ETV4: variants seen among roughly 807,000 people sequenced by gnomAD.
ETV4 encodes ETS translocation variant 4.
ETV4 carries 42 observed loss-of-function variants against 65.9 expected under a neutral mutation model. The ratio of observed to expected loss-of-function variants is 0.64; its 90% CI spans 0.50 to 0.82. ETV4 has a LOEUF of 0.82. Ranked by LOEUF, ETV4 falls within the 40% of genes least tolerant of loss-of-function variation. ETV4 has a pLI of 0.00. For synonymous variants in ETV4, 238 were observed against 260.0 expected (o/e 0.92, Z 0.81); for missense variants, 583 against 630.3 (o/e 0.92, Z 0.80).
intron 5 of ETV4, chr17:43,536,198 C>T (rs1188508524): frequency 1.8e-6 from 1 of 562,158 alleles, no homozygotes; most frequent in Non-Finnish European, 3.2e-6. Flanking sequence ...AGATATAAGG[C>T]AATGGAGAAC....
intron 4 of ETV4, among the ~76,000 whole-genome samples, chr17:43,541,551 G>C (rs1971523770): frequency 6.6e-6 from 1 of 152,134 alleles, no homozygotes; most frequent in Non-Finnish European, 1.5e-5. Flanking sequence ...TAAAAAAAGA[G>C]GAGGGGCTTG....
chr17:43,533,265 C>T lies in ETV4; in HGVS notation c.467G>A (p.Arg156Gln), dbSNP rs751936103. ...TCTCAGGAAATTCCGTTGCTCTGCC[C>T]GGGGAAAGGGCTGTAGGGGCGACTG... Reference protein sequence around the residue: ...LGQSPLQPFPRAEQRNFLRSS... With the variant: ...LGQSPLQPFPQAEQRNFLRSS... Residue 156 changes from arginine (R) to glutamine (Q), a missense_variant, in exon 7 of 13, where the codon CGG (arginine) becomes CAG (glutamine). By Grantham distance (43) the Arg-to-Gln change is conservative. Transcript: ENST00000319349. 4.3e-5 allele frequency: 70 copies of T among 1,613,658 alleles called. No homozygotes were observed. In the East Asian group the frequency reaches 6.5e-4, roughly 15 times the overall value.
In ETV4 at chr17:43,536,475, C is replaced by T; in HGVS notation, c.207G>A (p.Gln69=). 4 of 1,614,218 alleles carry T rather than the reference C, an allele frequency of 2.5e-6. No individual in the cohort carries two copies. The highest frequency in any genetic ancestry group is 3.4e-6 in the Non-Finnish European group (4 of 1,180,036). Residue 69 remains glutamine (Q), a synonymous_variant, in exon 5 of 13, where the codon CAG becomes CAA. Transcript: ENST00000319349. ...CAAACTGCTCATCACTGTCTGGTAC[C>T]TGAGCTGCAGAGAGAAGTCAGAGGT... The part of the protein sequence containing the change: ...HFQETWLAEA[Q]VPDSDEQFVP...
Position 43,528,465 on chromosome 17 carries a change from T to C in ETV4, c.*54A>G. 2 of 1,229,102 alleles carry C rather than the reference T, an allele frequency of 1.6e-6. No homozygotes were observed. The highest frequency in any genetic ancestry group is 2.3e-6 in the Non-Finnish European group (2 of 877,188). 76.1% of individuals were successfully genotyped at this position (1,229,102 alleles called of 1,614,324 possible). ...AAGGTTTCCCCAACACCAGATTCAT[T>C]TATATGTACACAGGGCAGCACCCAC... On this transcript the variant is annotated 3_prime_UTR_variant, in exon 13 of 13. Transcript: ENST00000319349.
At chr17:43,545,724 C>T (rs1971789298) in intron 1 of ETV4, 56 bp from the exon 2 acceptor site, 2 of 675,002 alleles carry the variant, frequency 3.0e-6, no homozygotes, top group East Asian at 7.3e-5. Context: ...GCGATGGGGG[C>T]GGGGAGGGGG....
intron 4 of ETV4, among the ~76,000 whole-genome samples, chr17:43,540,945 T>C (rs1000741888): frequency 5.9e-5 from 9 of 152,224 alleles, no homozygotes; most frequent in East Asian, 1.9e-4. Flanking sequence ...CTACTTTCCA[T>C]TGAGGTAATG....
chr17:43,543,172 T>C (rs989510991), intron 4 of ETV4, among the ~76,000 whole-genome samples: 1 of 151,348 alleles, frequency 6.6e-6, no homozygotes, highest in African/African-American at 2.4e-5. Context: ...ACCAAGGAGA[T>C]CCCAGCGCCC....
intron 4 of ETV4, 200 bp downstream of exon 4, chr17:43,544,775 G>T: frequency 3.6e-6 from 2 of 550,734 alleles, no homozygotes; most frequent in South Asian, 4.9e-5. Flanking sequence ...TCAGGGTAGA[G>T]AAAATAAATA....
At chr17:43,543,094 C>A (rs1971604807) in intron 4 of ETV4, among the ~76,000 whole-genome samples, 1 of 151,952 alleles carries the variant, frequency 6.6e-6, no homozygotes. Flanking sequence ...TCAGCATCCC[C>A]CCCTCAGACC....
intron 8 of ETV4, among the ~76,000 whole-genome samples, chr17:43,531,550 A>G (rs1970936858): frequency 1.3e-5 from 2 of 152,220 alleles, no homozygotes; most frequent in Non-Finnish European, 1.5e-5. Flanking sequence ...CTAAAAATAC[A>G]AAAACTAGCT....
In ETV4 at chr17:43,529,442, G is replaced by C. The variant is rs920410102; in HGVS notation, c.1128+62C>G. 4 of 1,551,662 alleles carry C rather than the reference G, an allele frequency of 2.6e-6. No individual in the cohort carries two copies. In the African/African-American group the frequency reaches 4.1e-5, roughly 16 times the overall value. On this transcript the variant is annotated intron_variant, in intron 11 of 12. Transcript: ENST00000319349. ...GGAGGCACGTGCCACCATTTCCCAG[G>C]TTCTCCCACCTCCAGGCTGTAAACT...
At position 43,533,971 on chromosome 17, in the gene ETV4, G is replaced by A; in HGVS notation, c.271C>T (p.Pro91Ser). ...GGCTCCTTCTTGATCCTGGTGGTGG[G>A]GCTGTGGAAAGCTACTGTGGGGGTG... ...FHSENLAFHS[P>S]TTRIKKEPQS... The change falls in exon 6 of 13, where the codon CCC (proline) becomes TCC (serine). Residue 91 changes from proline to serine, a missense_variant. Physicochemically the swap from Pro to Ser is moderately conservative, Grantham distance 74. Transcript: ENST00000319349. 6.5e-7 allele frequency: 1 copy of A among 1,536,310 alleles called. No homozygotes were observed. The highest frequency in any genetic ancestry group is 8.7e-7 in the Non-Finnish European group (1 of 1,153,326).
At chr17:43,535,363 C>T (rs186705807) in intron 5 of ETV4, among the ~76,000 whole-genome samples, 1 of 152,112 alleles carries the variant, frequency 6.6e-6, no homozygotes, top group Non-Finnish European at 1.5e-5. Flanking sequence ...CTGCAACCTC[C>T]GCCTCCCAGG....
In ETV4 at chr17:43,545,614, C is replaced by G. The variant is rs1237593688; in HGVS notation, c.4G>C (p.Glu2Gln). The G allele has an allele frequency of 1.3e-6, 2 of 1,550,796 alleles. No homozygotes were observed. Among genetic ancestry groups the G allele is most frequent in the Non-Finnish European group, 1.7e-6 (2 of 1,146,982 alleles). ...AAGTATCCGGCTTTCATCCTCCGCT[C>G]CATCCGGCCGCTCCCTCCGGCCGCA... M[E>Q]RRMKAGYLDQ... The change falls in exon 2 of 13, where the codon GAG becomes CAG. Residue 2 changes from glutamate (E) to glutamine (Q), a missense_variant. Glu to Gln is a conservative substitution (Grantham distance 29). Transcript: ENST00000319349.
intron 8 of ETV4, chr17:43,530,392 C>T: frequency 7.0e-7 from 1 of 1,433,886 alleles, no homozygotes; most frequent in Non-Finnish European, 9.1e-7. Context: ...AACTTGAGGG[C>T]TGCGGCTGAG....
intron 4 of ETV4, among the ~76,000 whole-genome samples, chr17:43,539,244 C>G (rs1971401628): frequency 6.6e-6 from 1 of 152,230 alleles, no homozygotes; most frequent in Admixed American, 6.5e-5. Flanking sequence ...ATCTGCAGCA[C>G]TCTGGTCTCC....
At chr17:43,546,026 G>T in intron 1 of ETV4, 159 bp downstream of exon 1, 1 of 235,646 alleles carries the variant, frequency 4.2e-6, no homozygotes, top group Non-Finnish European at 8.3e-6. Flanking sequence ...ACCATCGCAT[G>T]CCCACAACTC....
intron 9 of ETV4, 45 bp downstream of exon 9, chr17:43,530,062 T>C (rs201201057): frequency 6.5e-5 from 104 of 1,610,390 alleles, no homozygotes; most frequent in Admixed American, 2.2e-4. Context: ...CAGCGCTCCC[T>C]CCCCCAACAT....
chr17:43,530,727 T>A (rs1970883326), intron 8 of ETV4, among the ~76,000 whole-genome samples: 1 of 151,952 alleles, frequency 6.6e-6, no homozygotes, highest in African/African-American at 2.4e-5. Context: ...CACATTCCAC[T>A]TCGTTTCATT....
Sources: allele counts gnomAD v4.1 joint callset (sites outside exome capture counted in the v4.1 genomes callset), GRCh38; gene constraint gnomAD v4.1.1; transcripts MANE v1.5; gene names NCBI Gene and HGNC (gene_info 2026-07-23, HGNC 2026-07-21).